Variants in OR5B17 observed in about 807,000 individuals in gnomAD.
OR5B17 encodes the protein olfactory receptor 5B17.
For synonymous variants in OR5B17, 150 were observed against 135.8 expected (o/e 1.10, Z -0.73); for missense variants, 444 against 378.7 (o/e 1.17, Z -1.43).
chr11:58,358,945 C>G lies in OR5B17; in HGVS notation c.125G>C (p.Gly42Ala), dbSNP rs762012973. ...IYLITLTGNL[G>A]MIILILLDSH... The stretch of plus-strand genomic sequence containing the variant: ...GTCCAGCAGGATTAATATGATCATC[C>G]CCAGGTTCCCAGTCAGAGTGATGAG... The change falls in exon 1 of 1, where the codon GGG (glycine) becomes GCG (alanine). Residue 42 changes from glycine (G) to alanine (A), a missense_variant. Gly to Ala is a moderately conservative substitution (Grantham distance 60). Coordinates refer to ENST00000357377, the MANE Select transcript of OR5B17 (RefSeq NM_001005489.2). 3.7e-6 allele frequency: 6 copies of G among 1,613,750 alleles called. No homozygotes were observed. In the South Asian group the frequency reaches 6.6e-5, roughly 18 times the overall value.
In OR5B17 at chr11:58,359,064, C is replaced by A; in HGVS notation, c.6G>T (p.Glu2Asp). The A allele has an allele frequency of 6.4e-7, 1 of 1,566,924 alleles. No individual in the cohort carries two copies. The highest frequency in any genetic ancestry group is 2.2e-5 in the East Asian group (1 of 44,574). M[E>D]NNTEVSEFIL... ...TGAATTCACTCACCTCTGTATTATT[C>A]TCCATGGATGTTATTTTAGAATCAC... The change falls in exon 1 of 1, where the codon GAG (glutamate) becomes GAT (aspartate). Residue 2 changes from glutamate to aspartate, a missense_variant. Transcript: ENST00000357377.
rs1854540221 is a variant in OR5B17, at chr11:58,359,015, G to A, written c.55C>T (p.Pro19Ser). The A allele has an allele frequency of 1.2e-6, 2 of 1,610,012 alleles. No homozygotes were observed. Among genetic ancestry groups the A allele is most frequent in the Non-Finnish European group, 8.5e-7 (1 of 1,179,720 alleles). ...EFILLGLTNA[P>S]ELQVPLFIMF... is the part of the protein sequence containing the mutation. ...ATAAAGAGGGGAACCTGTAGTTCTG[G>A]GGCATTGGTTAGACCAAGCAGGATG... The change falls in exon 1 of 1, where the codon CCA (proline) becomes TCA (serine). Residue 19 changes from proline (P) to serine (S), a missense_variant. Coordinates refer to ENST00000357377, the MANE Select transcript of OR5B17 (RefSeq NM_001005489.2).
In OR5B17 at chr11:58,358,880, G is replaced by T. The variant is rs1221186754; in HGVS notation, c.190C>A (p.Leu64Met). The T allele has an allele frequency of 6.2e-7, 1 of 1,614,070 alleles. No individual in the cohort carries two copies. Among genetic ancestry groups the T allele is most frequent in the South Asian group, 1.1e-5 (1 of 91,078 alleles). ...HTPMYFFLSN[L>M]SLAGIGYSSA... ...GAGTAACCAATGCCTGCAAGAGACAGGTTACTGAGAAAAAAGTACATGGGA... is the reference window on the plus strand; with the variant it reads ...GAGTAACCAATGCCTGCAAGAGACATGTTACTGAGAAAAAAGTACATGGGA... The change falls in exon 1 of 1, where the codon CTG (leucine) becomes ATG (methionine). Residue 64 changes from leucine to methionine, a missense_variant. Transcript: ENST00000357377.
Position 58,358,935 on chromosome 11 carries a change from TATG to T in OR5B17, c.132_134del (p.Ile45del). On this transcript the variant is annotated inframe_deletion, in exon 1 of 1. Coordinates refer to ENST00000357377, the MANE Select transcript of OR5B17 (RefSeq NM_001005489.2). Reference sequence around the variant, plus strand: ...GGAGATGAGAGTCCAGCAGGATTAATATGATCATCCCCAGGTTCCCAGTCAGAG... The same window carrying T: ...GGAGATGAGAGTCCAGCAGGATTAATATCATCCCCAGGTTCCCAGTCAGAG... 1 of 1,613,998 alleles carries T rather than the reference TATG, an allele frequency of 6.2e-7. No individual in the cohort carries two copies. The highest frequency in any genetic ancestry group is 8.5e-7 in the Non-Finnish European group (1 of 1,179,968).
chr11:58,358,458 A>C lies in OR5B17; in HGVS notation c.612T>G (p.Asn204Lys). ...ELILVLISSF[N>K]VFFALLVTLI... The stretch of plus-strand genomic sequence containing the variant: ...AGGTAACAAGAAGTGCAAAAAAGAC[A>C]TTAAAACTTGATATAAGAACAAGAA... The change falls in exon 1 of 1, where the codon AAT (asparagine) becomes AAG (lysine). Residue 204 changes from asparagine to lysine, a missense_variant. Transcript: ENST00000357377. 1 of 1,613,988 alleles carries C rather than the reference A, an allele frequency of 6.2e-7. No individual in the cohort carries two copies. Among genetic ancestry groups the C allele is most frequent in the Non-Finnish European group, 8.5e-7 (1 of 1,179,986 alleles).
In OR5B17 at chr11:58,358,250, C is replaced by T. The variant is rs759496160; in HGVS notation, c.820G>A (p.Val274Met). 2 of 1,613,714 alleles carry T rather than the reference C, an allele frequency of 1.2e-6. No homozygotes were observed. Among genetic ancestry groups the T allele is most frequent in the Admixed American group, 3.3e-5 (2 of 59,996 alleles). Residue 274 changes from valine to methionine, a missense_variant, in exon 1 of 1, where the codon GTG (valine) becomes ATG (methionine). Transcript: ENST00000357377. ...ATGGGGATGATCATAGTGTAGAACA[C>T]AGATGCAATTTTGTCTGTGTCCATG... Reference protein sequence around the residue: ...HSMDTDKIASVFYTMIIPMLS... With the variant: ...HSMDTDKIASMFYTMIIPMLS...
chr11:58,358,128 A>C lies in OR5B17; in HGVS notation c.942T>G (p.Phe314Leu). ...ACATTGTGATGATTTTGCATCATTA[A>C]AAGACTGAATCTAGAGAATATTTTG... ...EKAKYSLDSV[F>L] The change falls in exon 1 of 1, where the codon TTT (phenylalanine) becomes TTG (leucine). Residue 314 changes from phenylalanine (F) to leucine (L), a missense_variant. Transcript: ENST00000357377. 1 of 1,523,990 alleles carries C rather than the reference A, an allele frequency of 6.6e-7. No homozygotes were observed. The highest frequency in any genetic ancestry group is 2.3e-5 in the East Asian group (1 of 44,140). 94.4% of individuals were successfully genotyped at this position (1,523,990 alleles called of 1,614,324 possible).
Position 58,358,881 on chromosome 11 carries a change from G to T in OR5B17, c.189C>A (p.Asn63Lys), listed in dbSNP as rs750564037. 3 of 1,614,052 alleles carry T rather than the reference G, an allele frequency of 1.9e-6. No individual in the cohort carries two copies. The highest frequency in any genetic ancestry group is 2.5e-6 in the Non-Finnish European group (3 of 1,179,992). ...AGTAACCAATGCCTGCAAGAGACAG[G>T]TTACTGAGAAAAAAGTACATGGGAG... is the stretch of plus-strand genomic sequence containing the variant. ...LHTPMYFFLS[N>K]LSLAGIGYSS... The change falls in exon 1 of 1, where the codon AAC (asparagine) becomes AAA (lysine). Residue 63 changes from asparagine to lysine, a missense_variant. Transcript: ENST00000357377.
Position 58,358,793 on chromosome 11 carries a change from T to C in OR5B17, c.277A>G (p.Ser93Gly), listed in dbSNP as rs1341738008. 1 of 1,614,098 alleles carries C rather than the reference T, an allele frequency of 6.2e-7. No homozygotes were observed. Among genetic ancestry groups the C allele is most frequent in the South Asian group, 1.1e-5 (1 of 91,080 alleles). The change falls in exon 1 of 1, where the codon AGT becomes GGT. Residue 93 changes from serine (S) to glycine (G), a missense_variant. Physicochemically the swap from Ser to Gly is moderately conservative, Grantham distance 56 (BLOSUM62 0). Transcript: ENST00000357377. The stretch of plus-strand genomic sequence containing the variant: ...AAGAACATCTGAGCAGCACAGGCAC[T>C]GTAGGAGATGGCTTTGTCTTCTATA... ...LLIEDKAISY[S>G]ACAAQMFFCA...
chr11:58,359,058 A>T lies in OR5B17; in HGVS notation c.12T>A (p.Asn4Lys), dbSNP rs1171962750. ...GCAGGATGAATTCACTCACCTCTGT[A>T]TTATTCTCCATGGATGTTATTTTAG... MEN[N>K]TEVSEFILLG... is the part of the protein sequence containing the mutation. Residue 4 changes from asparagine to lysine, a missense_variant, in exon 1 of 1, where the codon AAT becomes AAA. Asn to Lys is a moderately conservative substitution (Grantham distance 94). Transcript: ENST00000357377. 3.8e-6 allele frequency: 6 copies of T among 1,575,454 alleles called. No homozygotes were observed. Among genetic ancestry groups the T allele is most frequent in the African/African-American group, 1.4e-5 (1 of 73,806 alleles).
Position 58,358,310 on chromosome 11 carries a change from T to C in OR5B17, c.760A>G (p.Ile254Val), listed in dbSNP as rs1244199999. ...GAACTTGGTCGTATGTACATGATGA[T>C]GACAGTTATATAAAATAAGAAAATG... Reference protein sequence around the residue: ...IAIFLFYITVIIMYIRPSSSH... With the variant: ...IAIFLFYITVVIMYIRPSSSH... Residue 254 changes from isoleucine (I) to valine (V), a missense_variant, in exon 1 of 1, where the codon ATC becomes GTC. Physicochemically the swap from Ile to Val is conservative, Grantham distance 29 (BLOSUM62 3). Transcript: ENST00000357377. The C allele has an allele frequency of 5.6e-6, 9 of 1,614,004 alleles. No homozygotes were observed. The highest frequency in any genetic ancestry group is 4.5e-5 in the East Asian group (2 of 44,856).
At position 58,358,169 on chromosome 11, in the gene OR5B17, T is replaced by C; in HGVS notation, c.901A>G (p.Lys301Glu). 1.2e-6 allele frequency: 2 copies of C among 1,606,080 alleles called. No homozygotes were observed. Among genetic ancestry groups the C allele is most frequent in the Non-Finnish European group, 1.7e-6 (2 of 1,176,400 alleles). ...RNKDVKNAFM[K>E]VVEKAKYSLD... ...GAATATTTTGCCTTCTCAACAACCT[T>C]CATGAATGCATTCTTCACGTCTTTG... The change falls in exon 1 of 1, where the codon AAG becomes GAG. Residue 301 changes from lysine (K) to glutamate (E), a missense_variant. Physicochemically the swap from Lys to Glu is moderately conservative, Grantham distance 56. Coordinates refer to ENST00000357377, the MANE Select transcript of OR5B17 (RefSeq NM_001005489.2).
rs4127353 is a variant in OR5B17, at chr11:58,358,147, T to C, written c.923A>G (p.Tyr308Cys). The change falls in exon 1 of 1, where the codon TAT (tyrosine) becomes TGT (cysteine). Residue 308 changes from tyrosine to cysteine, a missense_variant. Physicochemically the swap from Tyr to Cys is radical, Grantham distance 194 (BLOSUM62 -2). Coordinates refer to ENST00000357377, the MANE Select transcript of OR5B17 (RefSeq NM_001005489.2). ...AFMKVVEKAK[Y>C]SLDSVF ...TCATTAAAAGACTGAATCTAGAGAATATTTTGCCTTCTCAACAACCTTCAT... is the reference window on the plus strand; with the variant it reads ...TCATTAAAAGACTGAATCTAGAGAACATTTTGCCTTCTCAACAACCTTCAT... The C allele has an allele frequency of 0.65, 1,028,003 of 1,581,938 alleles. 337,142 individuals are homozygous for C. Among genetic ancestry groups the C allele is most frequent in the East Asian group, 0.84 (37,209 of 44,486 alleles).
rs1483161072 is a variant in OR5B17, at chr11:58,358,439, C to A, written c.631G>T (p.Val211Phe). ...ATGAACAGATAGGAAATCAAGGTAA[C>A]AAGAAGTGCAAAAAAGACATTAAAA... ...SSFNVFFALL[V>F]TLISYLFILI... Residue 211 changes from valine (V) to phenylalanine (F), a missense_variant, in exon 1 of 1, where the codon GTT (valine) becomes TTT (phenylalanine). Transcript: ENST00000357377. The A allele has an allele frequency of 5.0e-6, 8 of 1,613,858 alleles. No homozygotes were observed. The highest frequency in any genetic ancestry group is 5.9e-6 in the Non-Finnish European group (7 of 1,179,944).
chr11:58,358,135 G>A lies in OR5B17; in HGVS notation c.935C>T (p.Ser312Leu), dbSNP rs766654281. The change falls in exon 1 of 1, where the codon TCA becomes TTA. Residue 312 changes from serine (S) to leucine (L), a missense_variant. By Grantham distance (145) the Ser-to-Leu change is moderately radical. Transcript: ENST00000357377. ...VVEKAKYSLD[S>L]VF ...GATGATTTTGCATCATTAAAAGACTGAATCTAGAGAATATTTTGCCTTCTC... is the reference window on the plus strand; with the variant it reads ...GATGATTTTGCATCATTAAAAGACTAAATCTAGAGAATATTTTGCCTTCTC... 6.5e-7 allele frequency: 1 copy of A among 1,549,858 alleles called. No homozygotes were observed. The highest frequency in any genetic ancestry group is 8.8e-7 in the Non-Finnish European group (1 of 1,134,412).
Position 58,358,443 on chromosome 11 carries a change from A to T in OR5B17, c.627T>A (p.Leu209=). ...ACAGATAGGAAATCAAGGTAACAAGAAGTGCAAAAAAGACATTAAAACTTG... is the reference window on the plus strand; with the variant it reads ...ACAGATAGGAAATCAAGGTAACAAGTAGTGCAAAAAAGACATTAAAACTTG... The part of the protein sequence containing the change: ...LISSFNVFFA[L]LVTLISYLFI... Residue 209 remains leucine (L), a synonymous_variant, in exon 1 of 1, where the codon CTT becomes CTA. Coordinates refer to ENST00000357377, the MANE Select transcript of OR5B17 (RefSeq NM_001005489.2). The T allele has an allele frequency of 6.2e-7, 1 of 1,614,014 alleles. No homozygotes were observed. Among genetic ancestry groups the T allele is most frequent in the Non-Finnish European group, 8.5e-7 (1 of 1,179,990 alleles).
In OR5B17 at chr11:58,358,950, G is replaced by T. The variant is rs549299386; in HGVS notation, c.120C>A (p.Asn40Lys). Residue 40 changes from asparagine to lysine, a missense_variant, in exon 1 of 1, where the codon AAC becomes AAA. Transcript: ENST00000357377. ...TLIYLITLTGNLGMIILILLD... is the reference protein window; with the variant it reads ...TLIYLITLTGKLGMIILILLD... Reference sequence around the variant, plus strand: ...GCAGGATTAATATGATCATCCCCAGGTTCCCAGTCAGAGTGATGAGGTAGA... The same window carrying T: ...GCAGGATTAATATGATCATCCCCAGTTTCCCAGTCAGAGTGATGAGGTAGA... 1 of 1,613,888 alleles carries T rather than the reference G, an allele frequency of 6.2e-7. No homozygotes were observed. Among genetic ancestry groups the T allele is most frequent in the Non-Finnish European group, 8.5e-7 (1 of 1,179,920 alleles).
chr11:58,358,439 C>T lies in OR5B17; in HGVS notation c.631G>A (p.Val211Ile), dbSNP rs1483161072. 6.2e-7 allele frequency: 1 copy of T among 1,613,740 alleles called. No individual in the cohort carries two copies. Among genetic ancestry groups the T allele is most frequent in the African/African-American group, 1.3e-5 (1 of 74,884 alleles). ...ATGAACAGATAGGAAATCAAGGTAA[C>T]AAGAAGTGCAAAAAAGACATTAAAA... Reference protein sequence around the residue: ...SSFNVFFALLVTLISYLFILI... With the variant: ...SSFNVFFALLITLISYLFILI... Residue 211 changes from valine (V) to isoleucine (I), a missense_variant, in exon 1 of 1, where the codon GTT becomes ATT. Val to Ile is a conservative substitution (Grantham distance 29, BLOSUM62 3). Transcript: ENST00000357377.
Position 58,358,550 on chromosome 11 carries a change from G to A in OR5B17, c.520C>T (p.His174Tyr), listed in dbSNP as rs146601959. The A allele has an allele frequency of 1.2e-5, 19 of 1,614,120 alleles. No individual in the cohort carries two copies. In the African/African-American group the frequency reaches 2.5e-4, roughly 22 times the overall value. The change falls in exon 1 of 1, where the codon CAC (histidine) becomes TAC (tyrosine). Residue 174 changes from histidine to tyrosine, a missense_variant. Coordinates refer to ENST00000357377, the MANE Select transcript of OR5B17 (RefSeq NM_001005489.2). Reference sequence around the variant, plus strand: ...ACTGCTGGTTTGTCACAGAAAAAGTGATGAATCACATTGGACATGCAGAAA... The same window carrying A: ...ACTGCTGGTTTGTCACAGAAAAAGTAATGAATCACATTGGACATGCAGAAA... ...LSFCMSNVIH[H>Y]FFCDKPAVIT... is the part of the protein sequence containing the mutation.
Sources: allele counts gnomAD v4.1 joint callset, GRCh38; gene constraint gnomAD v4.1.1; transcripts MANE v1.5; gene names NCBI Gene and HGNC (gene_info 2026-07-23, HGNC 2026-07-21).